C2CD5: variants seen among roughly 807,000 people sequenced by gnomAD.
The protein encoded by C2CD5 is C2 domain-containing protein 5.
C2CD5 carries 109 observed loss-of-function variants against 130.3 expected under a neutral mutation model. The observed-to-expected ratio is 0.84, with a 90% CI of 0.72 to 0.98. C2CD5 has a LOEUF of 0.98. C2CD5 is among the 50% of genes least tolerant of loss of function. The pLI is 0.00. For synonymous variants in C2CD5, 454 were observed against 429.2 expected (o/e 1.06, Z -0.71); for missense variants, 996 against 1,261.8 (o/e 0.79, Z 3.19).
At chr12:22,537,273 G>T (rs1373689671) in intron 2 of C2CD5, among the ~76,000 whole-genome samples, 1 of 152,160 alleles carries the variant, frequency 6.6e-6, no homozygotes, top group Non-Finnish European at 1.5e-5. Context: ...TCATCAGCCA[G>T]GCAGGGTGGT....
At chr12:22,489,064 C>T (rs551100368) in intron 12 of C2CD5, among the ~76,000 whole-genome samples, 3 of 151,608 alleles carry the variant, frequency 2.0e-5, no homozygotes, top group African/African-American at 7.3e-5. Context: ...TTAGTGGAGA[C>T]GGGGTTTCAC....
intron 13 of C2CD5, 78 bp downstream of exon 13, chr12:22,484,619 C>A: frequency 1.4e-6 from 1 of 704,468 alleles, no homozygotes; most frequent in East Asian, 2.9e-5. Context: ...AACAGTAAAG[C>A]TGACACTTAA....
rs529177720 is a variant in C2CD5 at position 22,464,895 on chromosome 12, A to C, written c.2533+4814T>G. Among the ~76,000 whole-genome samples, 7 of 152,216 alleles carry C rather than the reference A, an allele frequency of 4.6e-5. No homozygotes were observed. The East Asian group carries it at 1.3e-3, about 29-fold the overall frequency. On this transcript the variant is annotated intron_variant, in intron 22 of 26. Coordinates refer to ENST00000446597, the MANE Select transcript of C2CD5 (RefSeq NM_001286176.2). ...AAAAGATAACTTCTGTATTTTTTAC[A>C]AATGTACACTTCTAATTGCTATTTT...
intron 3 of C2CD5, among the ~76,000 whole-genome samples, chr12:22,530,788 G>T (rs934952649): frequency 1.3e-5 from 2 of 151,848 alleles, no homozygotes; most frequent in Non-Finnish European, 2.9e-5. Flanking sequence ...GGAACTGCCT[G>T]GTAAATCCCT....
intron 2 of C2CD5, among the ~76,000 whole-genome samples, chr12:22,538,852 T>C (rs566845084): frequency 2.6e-5 from 4 of 152,286 alleles, no homozygotes; most frequent in Middle Eastern, 3.4e-3. Context: ...AGGATAAAGG[T>C]TTCTCATGAC....
chr12:22,532,016 T>C (rs996574890), intron 3 of C2CD5, among the ~76,000 whole-genome samples: 9 of 152,182 alleles, frequency 5.9e-5, no homozygotes, highest in African/African-American at 1.2e-4. Flanking sequence ...ACGCTGAATG[T>C]CTATCCAAAA....
chr12:22,457,748 C>CAT (rs151214035), intron 24 of C2CD5, among the ~76,000 whole-genome samples: 3,640 of 151,112 alleles, frequency 0.024, 154 homozygotes, highest in East Asian at 0.21. Context: ...ATAAGCCAGA[C>CAT]ATATATATAT....
chr12:22,459,477 A>G lies in C2CD5; in HGVS notation c.2584+15T>C, dbSNP rs1320719101. On this transcript the variant is annotated intron_variant, in intron 23 of 26. Transcript: ENST00000446597. ...TACACCTTTGGTGACTATTTGCTTA[A>G]TTAGACAAACTCACCTCTCTGTGCA... 1.3e-6 allele frequency: 2 copies of G among 1,512,866 alleles called. No homozygotes were observed. The highest frequency in any genetic ancestry group is 1.8e-6 in the Non-Finnish European group (2 of 1,126,134). 93.7% of individuals were successfully genotyped at this position (1,512,866 alleles called of 1,614,324 possible).
At chr12:22,457,324 GAGAC>G (rs1180793903) in intron 24 of C2CD5, among the ~76,000 whole-genome samples, 163 bp from the exon 25 acceptor site, 2 of 152,186 alleles carry the variant, frequency 1.3e-5, no homozygotes, top group Non-Finnish European at 2.9e-5. Context: ...TTAAAAAAGA[GAGAC>G]AGAAAAACAT....
At chr12:22,523,728 A>G (rs1950475881) in intron 6 of C2CD5, 104 bp from the exon 7 acceptor site, 1 of 828,978 alleles carries the variant, frequency 1.2e-6, no homozygotes, top group African/African-American at 1.7e-5. Flanking sequence ...CAAGAAAATC[A>G]CAGATTTTCA....
At chr12:22,522,277 T>C (rs1392115624) in intron 7 of C2CD5, among the ~76,000 whole-genome samples, 1 of 152,148 alleles carries the variant, frequency 6.6e-6, no homozygotes, top group African/African-American at 2.4e-5. Context: ...CAAGTCTTCA[T>C]TGTATAGGGT....
At chr12:22,503,905 T>TA (rs764075485) in intron 10 of C2CD5, among the ~76,000 whole-genome samples, 2 of 152,190 alleles carry the variant, frequency 1.3e-5, no homozygotes, top group Non-Finnish European at 2.9e-5. Flanking sequence ...ATATAACTCA[T>TA]ACGCCATTGA....
chr12:22,525,406 A>C (rs1024128188), intron 5 of C2CD5, among the ~76,000 whole-genome samples: 1 of 152,146 alleles, frequency 6.6e-6, no homozygotes, highest in Non-Finnish European at 1.5e-5. Context: ...TTTCTAATAA[A>C]AATTTCTATA....
Position 22,485,018 on chromosome 12 carries a change from C to CAAA in C2CD5, c.1359-133_1359-131dup, listed in dbSNP as rs1945285884. On this transcript the variant is annotated intron_variant, in intron 12 of 26. Transcript: ENST00000446597. ...ATCCAACTTCTACTGCTGTAGGCTA[C>CAAA]AAAAGTACCACTAAGGCTGATAAGA... 6.9e-6 allele frequency: 3 copies of CAAA among 431,856 alleles called. No homozygotes were observed. In the South Asian group the frequency reaches 2.2e-4, roughly 32 times the overall value. 26.8% of individuals were successfully genotyped at this position (431,856 alleles called of 1,614,324 possible).
At chr12:22,494,098 T>C (rs968630499) in intron 10 of C2CD5, among the ~76,000 whole-genome samples, 1 of 152,076 alleles carries the variant, frequency 6.6e-6, no homozygotes, top group Non-Finnish European at 1.5e-5. Context: ...GAAGCATCTG[T>C]CATACATATT....
chr12:22,462,734 A>C (rs946478755), intron 22 of C2CD5, among the ~76,000 whole-genome samples: 6 of 152,206 alleles, frequency 3.9e-5, no homozygotes, highest in Admixed American at 2.6e-4. Context: ...CGATTATTTG[A>C]ATGTAGGTCC....
intron 7 of C2CD5, among the ~76,000 whole-genome samples, chr12:22,522,146 A>T (rs1359426940): frequency 6.6e-6 from 1 of 152,188 alleles, no homozygotes; most frequent in Non-Finnish European, 1.5e-5. Context: ...GCATCAGCAA[A>T]AACTAAATCA....
At chr12:22,535,041 C>A (rs2137232627) in intron 3 of C2CD5, 1 of 395,720 alleles carries the variant, frequency 2.5e-6, no homozygotes, top group East Asian at 4.9e-5. Flanking sequence ...TATAATACAT[C>A]TGAAGACTTC....
intron 15 of C2CD5, among the ~76,000 whole-genome samples, chr12:22,476,496 A>G (rs995972984): frequency 2.6e-5 from 4 of 152,168 alleles, no homozygotes; most frequent in African/African-American, 7.2e-5. Context: ...TTTTAAAATC[A>G]TAATAGATTT....
Sources: gnomAD v4.1 joint callset for allele counts (sites outside exome capture counted in the v4.1 genomes callset) on GRCh38, gnomAD v4.1.1 for gene constraint, MANE v1.5 for transcripts, NCBI Gene and HGNC (gene_info 2026-07-23, HGNC 2026-07-21) for gene names.